The following PABPC1L variants were observed in gnomAD, a reference collection of about 807,000 sequenced individuals.
PABPC1L encodes poly(A) binding protein cytoplasmic 1 like, also known as polyadenylate-binding protein 1-like.
Under a neutral mutation model 66.6 loss-of-function variants are expected in PABPC1L, and 31 were observed. The observed-to-expected ratio is 0.47, with a 90% CI of 0.35 to 0.63. PABPC1L has a LOEUF of 0.63. PABPC1L is among the 20% of genes least tolerant of loss of function. The probability of loss-of-function intolerance (pLI) is 0.00; values close to 1 mark genes in which losing one functional copy is unlikely to be tolerated. For synonymous variants in PABPC1L, 348 were observed against 335.1 expected, an observed-to-expected ratio of 1.04 and a Z score of -0.42; for missense variants, 722 against 848.8, an observed-to-expected ratio of 0.85 and a Z score of 1.86.
chr20:44,921,391 G>A (rs367950344), intron 5 of PABPC1L, among the ~76,000 whole-genome samples: 4 of 151,782 alleles, frequency 2.6e-5, no homozygotes, highest in Non-Finnish European at 4.4e-5. Flanking sequence ...CAGATGATCC[G>A]TCCCCCTCGG....
chr20:44,920,099 A>G (rs1230309440), intron 5 of PABPC1L, among the ~76,000 whole-genome samples: 1 of 152,124 alleles, frequency 6.6e-6, no homozygotes, highest in Admixed American at 6.5e-5. Flanking sequence ...GCCATTATCA[A>G]TGTCCTGCTC....
chr20:44,935,070 G>GAA (rs576914712), intron 10 of PABPC1L, among the ~76,000 whole-genome samples: 14,130 of 129,854 alleles, frequency 0.11, 755 homozygotes, highest in African/African-American at 0.15. Flanking sequence ...TCTGTCTCAG[G>GAA]AAAAAAAAAA....
chr20:44,919,385 C>A (rs1183497638), intron 5 of PABPC1L, 108 bp downstream of exon 5: 3 of 1,247,736 alleles, frequency 2.4e-6, no homozygotes, highest in Non-Finnish European at 3.4e-6. Flanking sequence ...CCGGCCTAAG[C>A]CAAGAGGGTG....
chr20:44,928,185 C>T (rs1244074546), intron 7 of PABPC1L, among the ~76,000 whole-genome samples: 1 of 152,072 alleles, frequency 6.6e-6, no homozygotes, highest in Non-Finnish European at 1.5e-5. Flanking sequence ...TGGGTTCTGC[C>T]TCAACCTCCT....
chr20:44,918,810 G>A (rs572955849), intron 3 of PABPC1L, 96 bp from the exon 4 acceptor site: 4 of 1,441,110 alleles, frequency 2.8e-6, no homozygotes, highest in East Asian at 2.3e-5. Context: ...GGATATGTAA[G>A]CCTGGAGAAG....
At chr20:44,938,008 T>TG (rs2066914561) in intron 12 of PABPC1L, 53 bp from the exon 13 acceptor site, 1 of 1,610,930 alleles carries the variant, frequency 6.2e-7, no homozygotes, top group Non-Finnish European at 8.5e-7. Flanking sequence ...AGCCCTGGGA[T>TG]GCTGGGGTGT....
At chr20:44,927,727 A>G (rs1001937551) in intron 7 of PABPC1L, among the ~76,000 whole-genome samples, 1 of 152,160 alleles carries the variant, frequency 6.6e-6, no homozygotes, top group African/African-American at 2.4e-5. Context: ...GTCTCGCTCT[A>G]TCACCCAGGC....
intron 6 of PABPC1L, among the ~76,000 whole-genome samples, chr20:44,922,388 C>T (rs2066780309): frequency 1.3e-5 from 2 of 152,148 alleles, no homozygotes; most frequent in South Asian, 4.1e-4. Context: ...CAGGTGCGTG[C>T]CACCATGCCC....
rs1238485274 is a variant in PABPC1L at position 44,930,744 on chromosome 20, A to G, written c.1239+18A>G. On this transcript the variant is annotated intron_variant, in intron 8 of 14. Transcript: ENST00000217073. ...TGCCCCAGGTGACGGCCTGCCCGCA[A>G]CTCCCACCGCAGCCTTCCCCCCTGC... 1.9e-6 allele frequency: 3 copies of G among 1,607,170 alleles called. No homozygotes were observed. The highest frequency in any genetic ancestry group is 2.5e-6 in the Non-Finnish European group (3 of 1,177,566).
chr20:44,936,805 C>T lies in PABPC1L; in HGVS notation c.1660+75C>T. The T allele has an allele frequency of 2.8e-6, 4 of 1,429,440 alleles. No homozygotes were observed. The South Asian group carries it at 3.7e-5, about 13-fold the overall frequency. The allele number at this position is 1,429,440 out of a possible 1,614,324, so 88.5% of individuals were successfully genotyped here. ...CTGGCTAGCCTGCTGGGAAACACCTCACCTGGTGGTCCAACGTGAGGTCAA... is the reference window on the plus strand; with the variant it reads ...CTGGCTAGCCTGCTGGGAAACACCTTACCTGGTGGTCCAACGTGAGGTCAA... On this transcript the variant is annotated intron_variant, in intron 12 of 14. Coordinates refer to ENST00000217073, the MANE Select transcript of PABPC1L (RefSeq NM_001372179.1).
chr20:44,919,079 T>C (rs1358282468), intron 4 of PABPC1L, 34 bp downstream of exon 4: 1 of 1,611,334 alleles, frequency 6.2e-7, no homozygotes, highest in Non-Finnish European at 8.5e-7. Flanking sequence ...GGGGGATCAC[T>C]GTTTTTCCTC....
chr20:44,916,674 A>T (rs1367701874), intron 2 of PABPC1L, 82 bp from the exon 3 acceptor site: 1 of 1,293,386 alleles, frequency 7.7e-7, no homozygotes, highest in African/African-American at 1.5e-5. Flanking sequence ...GCATGCAGAG[A>T]CTGGTCGTGA....
At chr20:44,936,440 T>C (rs573172138) in intron 11 of PABPC1L, among the ~76,000 whole-genome samples, 197 bp from the exon 12 acceptor site, 5 of 152,332 alleles carry the variant, frequency 3.3e-5, no homozygotes, top group African/African-American at 9.6e-5. Flanking sequence ...AGGAAACGTC[T>C]AAGCTAGAGG....
At position 44,935,411 on chromosome 20, in the gene PABPC1L, A is replaced by G. The variant is rs2066893762; in HGVS notation, c.1480A>G (p.Thr494Ala). The change falls in exon 11 of 15, where the codon ACA becomes GCA. Residue 494 changes from threonine (T) to alanine (A), a missense_variant. Transcript: ENST00000217073. ...TGCAGCCAACATTGGTACTCAGACC[A>G]CAGGACCCAGTGGGGTAGGATGCTG... The part of the protein sequence containing the change: ...QRVANIGTQT[T>A]GPSGVGCCTP... The G allele has an allele frequency of 6.2e-7, 1 of 1,614,162 alleles. No homozygotes were observed.
chr20:44,916,740 C>T lies in PABPC1L; in HGVS notation c.388-16C>T, dbSNP rs988700514. Reference sequence around the variant, plus strand: ...CTCTGTCAGTACTCTTCCTGTCCTTCCTCCCTGTGGCCCAGGTGGCGTGTG... The same window carrying T: ...CTCTGTCAGTACTCTTCCTGTCCTTTCTCCCTGTGGCCCAGGTGGCGTGTG... On this transcript the variant is annotated splice_polypyrimidine_tract_variant and intron_variant, in intron 2 of 14. Transcript: ENST00000217073. 2.3e-5 allele frequency: 37 copies of T among 1,613,342 alleles called. No individual in the cohort carries two copies. The highest frequency in any genetic ancestry group is 2.8e-5 in the Non-Finnish European group (33 of 1,179,216).
Position 44,933,193 on chromosome 20 carries a change from T to G in PABPC1L, c.1459+8T>G. 2 of 1,594,838 alleles carry G rather than the reference T, an allele frequency of 1.3e-6. No individual in the cohort carries two copies. The highest frequency in any genetic ancestry group is 1.7e-6 in the Non-Finnish European group (2 of 1,171,220). On this transcript the variant is annotated splice_region_variant and intron_variant, in intron 10 of 14. Coordinates refer to ENST00000217073, the MANE Select transcript of PABPC1L (RefSeq NM_001372179.1). The stretch of plus-strand genomic sequence containing the variant: ...CTCATACCCAGAGAGTAGGTGAGTG[T>G]GGGTAGGGCCAAGGGGAATGGGGGT...
At chr20:44,919,102 G>A in intron 4 of PABPC1L, 57 bp downstream of exon 4, 1 of 1,612,826 alleles carries the variant, frequency 6.2e-7, no homozygotes, top group East Asian at 2.2e-5. Flanking sequence ...CCCTTCCAAA[G>A]TCTGGTAGGG....
intron 13 of PABPC1L, among the ~76,000 whole-genome samples, 166 bp from the exon 14 acceptor site, chr20:44,938,508 A>G (rs889708376): frequency 1.3e-5 from 2 of 152,160 alleles, no homozygotes; most frequent in Non-Finnish European, 1.5e-5. Flanking sequence ...GGTGACAGAC[A>G]GGGCCATGGG....
chr20:44,922,639 G>C (rs2066782136), intron 6 of PABPC1L, among the ~76,000 whole-genome samples: 1 of 152,120 alleles, frequency 6.6e-6, no homozygotes, highest in African/African-American at 2.4e-5. Context: ...CCAAAGTTAT[G>C]GGATTACAGG....
Sources: gnomAD v4.1 joint callset for allele counts (sites outside exome capture counted in the v4.1 genomes callset) on GRCh38, gnomAD v4.1.1 for gene constraint, MANE v1.5 for transcripts, NCBI Gene and HGNC (gene_info 2026-07-23, HGNC 2026-07-21) for gene names.